The following IMMT variants were observed in gnomAD, a reference collection of about 807,000 sequenced individuals.
IMMT encodes MICOS complex subunit MIC60.
In IMMT, 40 loss-of-function variants were observed where a neutral mutation model predicts 92.7. The ratio of observed to expected loss-of-function variants is 0.43; its 90% CI spans 0.34 to 0.56. IMMT has a LOEUF of 0.56. IMMT is among the 20% of genes least tolerant of loss of function. IMMT has a pLI of 0.03. For missense variants in IMMT, 831 were observed against 912.1 expected (o/e 0.91, Z 1.14); for synonymous variants, 322 against 336.1 (o/e 0.96, Z 0.46).
chr2:86,148,576 C>G (rs1466196240), intron 12 of IMMT, among the ~76,000 whole-genome samples: 1 of 152,162 alleles, frequency 6.6e-6, no homozygotes, highest in Non-Finnish European at 1.5e-5. Flanking sequence ...TGCGCTGCTG[C>G]ACTCCAGCCT....
intron 1 of IMMT, among the ~76,000 whole-genome samples, chr2:86,184,593 G>T (rs1023518595): frequency 2.6e-5 from 4 of 152,072 alleles, no homozygotes; most frequent in African/African-American, 9.7e-5. Context: ...ACCTAGAAGA[G>T]GGGTGCTACT....
intron 3 of IMMT, among the ~76,000 whole-genome samples, chr2:86,179,001 C>T (rs1026023719): frequency 6.6e-6 from 1 of 152,134 alleles, no homozygotes; most frequent in Non-Finnish European, 1.5e-5. Flanking sequence ...GCGGAGGTTG[C>T]GGTGAGGCGA....
At chr2:86,155,931 T>C (rs533118066) in intron 10 of IMMT, among the ~76,000 whole-genome samples, 2 of 152,340 alleles carry the variant, frequency 1.3e-5, no homozygotes, top group South Asian at 4.1e-4. Flanking sequence ...ATGCCATTTG[T>C]ACCTTTCAAA....
intron 12 of IMMT, among the ~76,000 whole-genome samples, chr2:86,150,409 G>A (rs1157161806): frequency 1.3e-5 from 2 of 152,204 alleles, no homozygotes; most frequent in Non-Finnish European, 2.9e-5. Flanking sequence ...GGAGGTTAAG[G>A]AGTGGCCAGC....
chr2:86,144,514 G>A lies in IMMT; in HGVS notation c.2031C>T (p.Pro677=), dbSNP rs747812502. The A allele has an allele frequency of 6.2e-7, 1 of 1,613,994 alleles. No homozygotes were observed. The highest frequency in any genetic ancestry group is 8.5e-7 in the Non-Finnish European group (1 of 1,179,888). ...TTATATCCTCAGGGCAGAGCTCTGG[G>A]GGCGGCTTCAGTTGCTGAGGTGGGA... is the stretch of plus-strand genomic sequence containing the variant. ...LLFPPQQLKP[P]PELCPEDINT... is the part of the protein sequence containing the mutation. Residue 677 remains proline (P), a synonymous_variant, in exon 15 of 15, where the codon CCC becomes CCT. Coordinates refer to ENST00000410111, the MANE Select transcript of IMMT (RefSeq NM_006839.3).
chr2:86,171,399 C>T (rs1282899996), intron 4 of IMMT, 54 bp from the exon 5 acceptor site: 2 of 1,546,012 alleles, frequency 1.3e-6, no homozygotes, highest in African/African-American at 1.4e-5. Context: ...AACAGAGAAA[C>T]ACACAGAAAT....
At chr2:86,163,894 G>A (rs1316681927) in intron 7 of IMMT, among the ~76,000 whole-genome samples, 1 of 141,452 alleles carries the variant, frequency 7.1e-6, no homozygotes, top group Non-Finnish European at 1.5e-5. Context: ...GGGAAGCAGA[G>A]GTTGCAGTGA....
Position 86,159,611 on chromosome 2 carries a change from C to G in IMMT, c.957G>C (p.Gly319=), listed in dbSNP as rs1242022732. ...IENAKKKEVA[G]AKPHITAAEG... Reference sequence around the variant, plus strand: ...CTGCAGCAGTTATATGAGGCTTGGCCCCAGCAACCTCTTTTTTCTTTGCAT... The same window carrying G: ...CTGCAGCAGTTATATGAGGCTTGGCGCCAGCAACCTCTTTTTTCTTTGCAT... The change falls in exon 9 of 15, where the codon GGG becomes GGC. Residue 319 remains glycine, a synonymous_variant. Transcript: ENST00000410111. 2.5e-6 allele frequency: 4 copies of G among 1,590,676 alleles called. No homozygotes were observed. Among genetic ancestry groups the G allele is most frequent in the Non-Finnish European group, 3.4e-6 (4 of 1,172,878 alleles).
rs118100994 is a variant in IMMT at position 86,189,508 on chromosome 2, T to C, written c.45+5830A>G. 3.4e-4 allele frequency among the ~76,000 whole-genome samples: 52 copies of C among 152,310 alleles called. No homozygotes were observed. In the East Asian group the frequency reaches 7.1e-3, roughly 21 times the overall value. On this transcript the variant is annotated intron_variant, in intron 1 of 14. Coordinates refer to ENST00000410111, the MANE Select transcript of IMMT (RefSeq NM_006839.3). ...ATGATTAATGCTGTTACACAGACCA[T>C]CTGTTCCTTAGCTCTACCAAACTAA...
chr2:86,144,737 C>A lies in IMMT; in HGVS notation c.1808G>T (p.Cys603Phe), dbSNP rs771180473. 3.7e-6 allele frequency: 6 copies of A among 1,613,800 alleles called. No homozygotes were observed. In the Admixed American group the frequency reaches 1.0e-4, roughly 27 times the overall value. The change falls in exon 15 of 15, where the codon TGT (cysteine) becomes TTT (phenylalanine). Residue 603 changes from cysteine to phenylalanine, a missense_variant. Coordinates refer to ENST00000410111, the MANE Select transcript of IMMT (RefSeq NM_006839.3). The stretch of plus-strand genomic sequence containing the variant: ...AGCTTGGGTGAATTCATTATCAGAA[C>A]AGTTGGCTTTGATGGCCTCAACTGC... ...GSAVEAIKANCSDNEFTQALT... is the reference protein window; with the variant it reads ...GSAVEAIKANFSDNEFTQALT...
chr2:86,173,697 G>C lies in IMMT; in HGVS notation c.374C>G (p.Ala125Gly). 6.2e-7 allele frequency: 1 copy of C among 1,608,414 alleles called. No individual in the cohort carries two copies. The highest frequency in any genetic ancestry group is 8.5e-7 in the Non-Finnish European group (1 of 1,175,134). ...SEVMKESKQP[A>G]SQLQKQKGDT... ...TCCCTTTTGTTTTTGGAGTTGTGAG[G>C]CAGGCTGTTTAGATTCTTTCATTAC... The change falls in exon 4 of 15, where the codon GCC (alanine) becomes GGC (glycine). Residue 125 changes from alanine (A) to glycine (G), a missense_variant. Transcript: ENST00000410111.
At chr2:86,161,328 ACATTTT>A (rs1345931794) in intron 8 of IMMT, among the ~76,000 whole-genome samples, 5 of 151,178 alleles carry the variant, frequency 3.3e-5, no homozygotes, top group Non-Finnish European at 5.9e-5. Context: ...CGCCTGGCTA[ACATTTT>A]CATTTTTAGT....
In IMMT at chr2:86,171,309, C is replaced by T. The variant is rs1677066820; in HGVS notation, c.458G>A (p.Gly153Asp). 6.2e-7 allele frequency: 1 copy of T among 1,611,178 alleles called. No individual in the cohort carries two copies. The highest frequency in any genetic ancestry group is 1.3e-5 in the African/African-American group (1 of 74,864). ...AGGGGCTGGGACCGACAGGGTATCA[C>T]CTGCTGCAGAAATAATTTGAGCCGC... ...TEAAQIISAAGDTLSVPAPAV... is the reference protein window; with the variant it reads ...TEAAQIISAADDTLSVPAPAV... Residue 153 changes from glycine (G) to aspartate (D), a missense_variant, in exon 5 of 15, where the codon GGT becomes GAT. Gly to Asp is a moderately conservative substitution (Grantham distance 94). Coordinates refer to ENST00000410111, the MANE Select transcript of IMMT (RefSeq NM_006839.3).
At chr2:86,175,358 TATATAC>T (rs1248434448) in intron 3 of IMMT, among the ~76,000 whole-genome samples, 3 of 152,122 alleles carry the variant, frequency 2.0e-5, no homozygotes, top group South Asian at 2.1e-4. Flanking sequence ...TTCTCTCTAA[TATATAC>T]ATATACATTT....
intron 1 of IMMT, among the ~76,000 whole-genome samples, chr2:86,192,373 C>T (rs1214140198): frequency 2.6e-5 from 4 of 151,544 alleles, no homozygotes; most frequent in Admixed American, 6.6e-5. Flanking sequence ...TTTGGGAGGC[C>T]GAGGTGGGCA....
In IMMT at chr2:86,144,531, G is replaced by C. The variant is rs1674845403; in HGVS notation, c.2014C>G (p.Gln672Glu). 1.2e-6 allele frequency: 2 copies of C among 1,614,062 alleles called. No homozygotes were observed. Among genetic ancestry groups the C allele is most frequent in the East Asian group, 4.5e-5 (2 of 44,892 alleles). ...AGCTCTGGGGGCGGCTTCAGTTGCT[G>C]AGGTGGGAATAGGAGCAGGGACTGT... ...YLQSLLLFPP[Q>E]QLKPPPELCP... The change falls in exon 15 of 15, where the codon CAG becomes GAG. Residue 672 changes from glutamine (Q) to glutamate (E), a missense_variant. Coordinates refer to ENST00000410111, the MANE Select transcript of IMMT (RefSeq NM_006839.3).
In IMMT at chr2:86,144,819, A is replaced by G. The variant is rs747089029; in HGVS notation, c.1726T>C (p.Leu576=). The G allele has an allele frequency of 4.3e-6, 7 of 1,611,972 alleles. No individual in the cohort carries two copies. In the African/African-American group the frequency reaches 9.4e-5, roughly 22 times the overall value. Residue 576 remains leucine, a synonymous_variant, in exon 15 of 15, where the codon TTA becomes CTA. Coordinates refer to ENST00000410111, the MANE Select transcript of IMMT (RefSeq NM_006839.3). ...AHQLWLSVEA[L]KYSMKTSSAE... ...GATGAGGTCTTCATGCTGTACTTTA[A>G]TGCCTCCACTGAAAGCCAGAGTTGG...
At chr2:86,148,048 A>G (rs901043498) in intron 12 of IMMT, among the ~76,000 whole-genome samples, 10 of 152,230 alleles carry the variant, frequency 6.6e-5, no homozygotes, top group African/African-American at 2.4e-4. Context: ...GGCAAAAACC[A>G]GATTTCAAAC....
At chr2:86,172,212 C>T (rs1677144189) in intron 4 of IMMT, among the ~76,000 whole-genome samples, 1 of 152,008 alleles carries the variant, frequency 6.6e-6, no homozygotes, top group Non-Finnish European at 1.5e-5. Context: ...TCAAGTGATC[C>T]TCCCTCCTCG....
Sources: allele counts gnomAD v4.1 joint callset (sites outside exome capture counted in the v4.1 genomes callset), GRCh38; gene constraint gnomAD v4.1.1; transcripts MANE v1.5; gene names NCBI Gene and HGNC (gene_info 2026-07-23, HGNC 2026-07-21).